The following GPC3 variants were observed in gnomAD, a reference collection of about 807,000 sequenced individuals.
GPC3 encodes the protein glypican-3.
GPC3 carries 3 observed loss-of-function variants against 34.4 expected under a neutral mutation model. The observed-to-expected ratio is 0.09, with a 90% confidence interval of 0.04 to 0.23. GPC3 has a LOEUF of 0.23. Among genes scored for constraint, GPC3 ranks in the 10% least tolerant of loss-of-function variants. The pLI, the probability that GPC3 is intolerant of heterozygous loss-of-function variation, is 1.00. For synonymous variants in GPC3, 177 were observed against 174.0 expected (o/e 1.02, Z -0.13); for missense variants, 351 against 445.6 (o/e 0.79, Z 1.91).
Position 133,536,185 on chromosome X carries a change from G to A in GPC3, c.1682C>T (p.Pro561Leu). 8.3e-7 allele frequency: 1 copy of A among 1,205,443 alleles called. No homozygotes were observed. Among genetic ancestry groups the A allele is most frequent in the Non-Finnish European group, 1.1e-6 (1 of 890,710 alleles). Residue 561 changes from proline (P) to leucine (L), a missense_variant, in exon 8 of 8, where the codon CCG (proline) becomes CTG (leucine). Physicochemically the swap from Pro to Leu is moderately conservative, Grantham distance 98 (BLOSUM62 -3). Transcript: ENST00000370818. ...TFHNLGNVHS[P>L]LKLLTSMAIS... The stretch of plus-strand genomic sequence containing the variant: ...GGCCATGCTGGTGAGAAGCTTCAGC[G>A]GGGAATGAACGTTCCCGAGGTTGTG...
chrX:133,632,723 T>TA (rs1350575751), intron 6 of GPC3, among the ~76,000 whole-genome samples: 20 of 111,789 alleles, frequency 1.8e-4, no homozygotes, highest in African/African-American at 6.5e-4. Context: ...CTAATTGTTC[T>TA]TTCTGTGTGA....
In GPC3 at chrX:133,749,701, T is replaced by C. The variant is rs192412525; in HGVS notation, c.1032+3781A>G. 1.3e-4 allele frequency among the ~76,000 whole-genome samples: 15 copies of C among 111,560 alleles called. No homozygotes were observed. The East Asian group carries it at 4.3e-3, about 32-fold the overall frequency. ...CCCAGCAGAGCTCAGGAAGAGGATA[T>C]TTTTAAAGAAGTCTCTCACCACAAC... On this transcript the variant is annotated intron_variant, in intron 3 of 7. Coordinates refer to ENST00000370818, the MANE Select transcript of GPC3 (RefSeq NM_004484.4).
intron 6 of GPC3, among the ~76,000 whole-genome samples, chrX:133,619,061 T>C (rs1181159811): frequency 3.6e-5 from 4 of 111,566 alleles, no homozygotes; most frequent in East Asian, 2.8e-4. Flanking sequence ...AAAGAAGATA[T>C]AGAAATTGCC....
intron 2 of GPC3, among the ~76,000 whole-genome samples, chrX:133,926,399 G>A (rs1225008332): frequency 8.9e-6 from 1 of 111,849 alleles, no homozygotes; most frequent in African/African-American, 3.3e-5. Context: ...ATGGTGATGT[G>A]TAAACAACTT....
chrX:133,638,264 C>T (rs760064284), intron 6 of GPC3, among the ~76,000 whole-genome samples: 9 of 111,602 alleles, frequency 8.1e-5, no homozygotes, highest in Non-Finnish European at 1.3e-4. Context: ...AGAGAAAAAC[C>T]GATTACCTGG....
chrX:133,907,262 T>C (rs2076172914), intron 2 of GPC3, among the ~76,000 whole-genome samples: 3 of 111,542 alleles, frequency 2.7e-5, no homozygotes, highest in Admixed American at 1.9e-4. Flanking sequence ...GCCCTGAAGA[T>C]GTTTGGGTTT....
At chrX:133,685,669 G>A (rs1050216714) in intron 5 of GPC3, among the ~76,000 whole-genome samples, 1 of 110,462 alleles carries the variant, frequency 9.1e-6, no homozygotes, top group Non-Finnish European at 1.9e-5. Flanking sequence ...CAGATCTTAG[G>A]GAGTTTATTT....
intron 2 of GPC3, among the ~76,000 whole-genome samples, chrX:133,812,924 G>A (rs1473898636): frequency 1.8e-5 from 2 of 112,227 alleles, no homozygotes; most frequent in African/African-American, 6.5e-5. Flanking sequence ...AATTGTCAGT[G>A]CTACCTGTTT....
intron 5 of GPC3, among the ~76,000 whole-genome samples, chrX:133,666,908 G>A (rs2070773567): frequency 8.9e-6 from 1 of 112,340 alleles, no homozygotes; most frequent in Non-Finnish European, 1.9e-5. Context: ...TTCAGTGAGT[G>A]AGAATAGGGA....
intron 2 of GPC3, among the ~76,000 whole-genome samples, chrX:133,882,938 G>A (rs2076048192): frequency 9.0e-6 from 1 of 110,873 alleles, no homozygotes; most frequent in African/African-American, 3.3e-5. Context: ...GATGGCCTAA[G>A]GTCATATCCA....
intron 2 of GPC3, among the ~76,000 whole-genome samples, chrX:133,946,305 T>C (rs2076368625): frequency 8.9e-6 from 1 of 112,058 alleles, no homozygotes; most frequent in Admixed American, 9.4e-5. Flanking sequence ...CGTTCAATTC[T>C]TGTCTCTGCC....
chrX:133,934,309 C>T (rs1603275158), intron 2 of GPC3, among the ~76,000 whole-genome samples: 1 of 109,764 alleles, frequency 9.1e-6, no homozygotes, highest in East Asian at 2.9e-4. Context: ...GATTCTCCTG[C>T]CTCAGCCTCC....
At chrX:133,738,845 G>A (rs1425360510) in intron 3 of GPC3, among the ~76,000 whole-genome samples, 5 of 111,660 alleles carry the variant, frequency 4.5e-5, no homozygotes, top group Non-Finnish European at 9.4e-5. Flanking sequence ...CAATTTATCC[G>A]AACATCTGGG....
chrX:133,884,767 T>C lies in GPC3; in HGVS notation c.337+68283A>G, dbSNP rs140829570. Among the ~76,000 whole-genome samples the C allele has an allele frequency of 3.3e-3, 374 of 111,912 alleles. 1 individual carries two copies. The highest frequency in any genetic ancestry group is 0.011 in the African/African-American group (346 of 30,826). ...TCAAAGCTAGCATCTGGCATTCACT[T>C]GACAGTCCAATCAATGTTCAACATA... On this transcript the variant is annotated intron_variant, in intron 2 of 7. Transcript: ENST00000370818.
At chrX:133,545,573 G>T (rs1273481361) in intron 7 of GPC3, among the ~76,000 whole-genome samples, 2 of 111,385 alleles carry the variant, frequency 1.8e-5, no homozygotes, top group Non-Finnish European at 3.8e-5. Flanking sequence ...GATTCTCTGA[G>T]AAGTCTGAGA....
intron 2 of GPC3, among the ~76,000 whole-genome samples, chrX:133,789,588 A>G (rs1250598333): frequency 1.2e-4 from 14 of 112,057 alleles, no homozygotes; most frequent in Admixed American, 1.2e-3. Flanking sequence ...TCTATGGACG[A>G]CTAAAAGAGG....
chrX:133,921,349 G>A (rs769595699), intron 2 of GPC3, among the ~76,000 whole-genome samples: 77 of 111,587 alleles, frequency 6.9e-4, no homozygotes, highest in Non-Finnish European at 1.3e-3. Flanking sequence ...TCTTAAACAA[G>A]GGACAAAAAC....
chrX:133,870,370 A>G (rs1042445571), intron 2 of GPC3, among the ~76,000 whole-genome samples: 6 of 111,778 alleles, frequency 5.4e-5, no homozygotes. Flanking sequence ...GTAAGTGCCA[A>G]CTGTTACTGG....
At chrX:133,740,905 T>C (rs1449954304) in intron 3 of GPC3, among the ~76,000 whole-genome samples, 1 of 111,326 alleles carries the variant, frequency 9.0e-6, no homozygotes, top group Non-Finnish European at 1.9e-5. Flanking sequence ...AAAACGTAAA[T>C]GAAATAGGCC....
Sources: allele counts gnomAD v4.1 joint callset (sites outside exome capture counted in the v4.1 genomes callset), GRCh38; gene constraint gnomAD v4.1.1; transcripts MANE v1.5; gene names NCBI Gene and HGNC (gene_info 2026-07-23, HGNC 2026-07-21).